SUPT16H: variants seen among roughly 807,000 people sequenced by gnomAD.
SUPT16H encodes FACT complex subunit SPT16.
SUPT16H carries 24 observed loss-of-function variants against 136.2 expected under a neutral mutation model. That is an observed-to-expected ratio of 0.18 (90% confidence interval 0.13 to 0.25). The LOEUF is 0.25. Among genes scored for constraint, SUPT16H ranks in the 10% least tolerant of loss-of-function variants. The pLI is 1.00. For missense variants in SUPT16H, 623 were observed against 1,270.2 expected (o/e 0.49, Z 7.74); for synonymous variants, 415 against 428.2 (o/e 0.97, Z 0.38).
At chr14:21,376,584 A>G (rs1230840594) in intron 1 of SUPT16H, among the ~76,000 whole-genome samples, 1 of 152,148 alleles carries the variant, frequency 6.6e-6, no homozygotes, top group Non-Finnish European at 1.5e-5. Context: ...TCAGGTTGGT[A>G]AAAAGTTTTA....
intron 1 of SUPT16H, among the ~76,000 whole-genome samples, chr14:21,376,325 A>C (rs960095462): frequency 6.6e-6 from 1 of 152,172 alleles, no homozygotes; most frequent in African/African-American, 2.4e-5. Flanking sequence ...GATACTCTTC[A>C]ATAGCTCTAT....
chr14:21,365,250 A>T (rs1886641240), intron 8 of SUPT16H, 107 bp from the exon 9 acceptor site: 1 of 1,090,708 alleles, frequency 9.2e-7, no homozygotes, highest in African/African-American at 1.6e-5. Flanking sequence ...AACATGTTTG[A>T]AATGATTTAC....
At chr14:21,367,310 G>A (rs544302256) in intron 7 of SUPT16H, among the ~76,000 whole-genome samples, 1 of 152,172 alleles carries the variant, frequency 6.6e-6, no homozygotes, top group African/African-American at 2.4e-5. Context: ...TTTAAGAGTT[G>A]ATAAATGGTA....
At chr14:21,382,134 A>T (rs1429210055) in intron 1 of SUPT16H, among the ~76,000 whole-genome samples, 1 of 152,214 alleles carries the variant, frequency 6.6e-6, no homozygotes, top group Non-Finnish European at 1.5e-5. Context: ...GAACTTCTAC[A>T]GGTGGGTTCT....
At chr14:21,370,007 C>T in intron 4 of SUPT16H, 111 bp from the exon 5 acceptor site, 1 of 1,236,626 alleles carries the variant, frequency 8.1e-7, no homozygotes, top group Non-Finnish European at 1.1e-6. Flanking sequence ...AGCAAACTAT[C>T]ACTGGTTTGC....
chr14:21,369,439 T>C (rs1886740230), intron 5 of SUPT16H, 84 bp from the exon 6 acceptor site: 1 of 1,528,992 alleles, frequency 6.5e-7, no homozygotes, highest in East Asian at 2.3e-5. Flanking sequence ...GAAGACAAAA[T>C]GTATCCTTGT....
Position 21,352,542 on chromosome 14 carries a change from C to A in SUPT16H, c.*131G>T. On this transcript the variant is annotated 3_prime_UTR_variant, in exon 26 of 26. Coordinates refer to ENST00000216297, the MANE Select transcript of SUPT16H (RefSeq NM_007192.4). ...CGAGTAGATTGGTCCACACAAATGG[C>A]CCCCTAAACCCATAAACACAAATGG... 1 of 1,432,308 alleles carries A rather than the reference C, an allele frequency of 7.0e-7. No individual in the cohort carries two copies. The allele number at this position is 1,432,308 out of a possible 1,614,324, so 88.7% of individuals were successfully genotyped here.
At chr14:21,381,744 G>GGA (rs1454836206) in intron 1 of SUPT16H, among the ~76,000 whole-genome samples, 1 of 151,304 alleles carries the variant, frequency 6.6e-6, no homozygotes, top group Non-Finnish European at 1.5e-5. Context: ...CAAGTAGCTA[G>GGA]GACTATAGGC....
rs1239138721 is a variant in SUPT16H at position 21,369,889 on chromosome 14, A to G, written c.491T>C (p.Ile164Thr). 6.2e-7 allele frequency: 1 copy of G among 1,613,778 alleles called. No individual in the cohort carries two copies. Among genetic ancestry groups the G allele is most frequent in the Non-Finnish European group, 8.5e-7 (1 of 1,179,914 alleles). The change falls in exon 5 of 26, where the codon ATC becomes ACC. Residue 164 changes from isoleucine to threonine, a missense_variant. Physicochemically the swap from Ile to Thr is moderately conservative, Grantham distance 89 (BLOSUM62 -1). Coordinates refer to ENST00000216297, the MANE Select transcript of SUPT16H (RefSeq NM_007192.4). The stretch of plus-strand genomic sequence containing the variant: ...GATGGTATATGCCACAACTGCACTG[A>G]TATCTATCTGCAGTCAAAGTGACAA... ...LNKEGFDKID[I>T]SAVVAYTIAV...
intron 1 of SUPT16H, among the ~76,000 whole-genome samples, chr14:21,374,574 T>C (rs1886860761): frequency 6.6e-6 from 1 of 152,202 alleles, no homozygotes; most frequent in Non-Finnish European, 1.5e-5. Flanking sequence ...TTCATATACA[T>C]GGAATCAAAT....
chr14:21,372,466 T>C, intron 2 of SUPT16H: 1 of 317,810 alleles, frequency 3.1e-6, no homozygotes, highest in South Asian at 2.7e-5. Flanking sequence ...ACTGATATTT[T>C]ACCTTCCTTT....
chr14:21,361,311 C>CTTTT (rs35486887), intron 15 of SUPT16H, 98 bp from the exon 16 acceptor site: 10,620 of 457,614 alleles, frequency 0.023, 89 homozygotes, highest in South Asian at 0.046. Context: ...CTCTACTTTG[C>CTTTT]TTTTTTTTTT....
intron 15 of SUPT16H, 60 bp from the exon 16 acceptor site, chr14:21,361,273 A>ATTTACT: frequency 2.1e-6 from 3 of 1,444,990 alleles, no homozygotes; most frequent in Non-Finnish European, 2.8e-6. Context: ...AATTGTACTG[A>ATTTACT]TTTACTTTAT....
chr14:21,360,036 C>T (rs1886517272), intron 18 of SUPT16H, among the ~76,000 whole-genome samples: 1 of 152,022 alleles, frequency 6.6e-6, no homozygotes, highest in Non-Finnish European at 1.5e-5. Flanking sequence ...TTTTTCATCA[C>T]TTTTTTGTTT....
intron 1 of SUPT16H, among the ~76,000 whole-genome samples, chr14:21,379,495 TA>T (rs1024896017): frequency 6.6e-6 from 1 of 151,362 alleles, no homozygotes; most frequent in Admixed American, 6.6e-5. Flanking sequence ...AAGCAATATT[TA>T]AAAAAAAATC....
chr14:21,363,378 A>G, intron 11 of SUPT16H, 50 bp from the exon 12 acceptor site: 3 of 1,605,114 alleles, frequency 1.9e-6, no homozygotes, highest in Non-Finnish European at 2.6e-6. Context: ...ATTTTAGCCA[A>G]TATTATTTAA....
intron 6 of SUPT16H, among the ~76,000 whole-genome samples, chr14:21,368,663 CAGTGAGTA>C (rs2139409604): frequency 6.6e-6 from 1 of 152,270 alleles, no homozygotes; most frequent in East Asian, 1.9e-4. Flanking sequence ...GATAAAAATT[CAGTGAGTA>C]AGTGAGTACT....
At chr14:21,377,904 G>A (rs565994633) in intron 1 of SUPT16H, among the ~76,000 whole-genome samples, 2 of 152,278 alleles carry the variant, frequency 1.3e-5, no homozygotes, top group Admixed American at 6.5e-5. Flanking sequence ...TATTACAGGC[G>A]TGAATGAACC....
At chr14:21,355,203 G>A (rs539865282) in intron 22 of SUPT16H, among the ~76,000 whole-genome samples, 4 of 152,046 alleles carry the variant, frequency 2.6e-5, no homozygotes, top group African/African-American at 9.6e-5. Flanking sequence ...AAGAAATAGG[G>A]ACAATTTTCA....
Sources: allele counts gnomAD v4.1 joint callset (sites outside exome capture counted in the v4.1 genomes callset), GRCh38; gene constraint gnomAD v4.1.1; transcripts MANE v1.5; gene names NCBI Gene and HGNC (gene_info 2026-07-23, HGNC 2026-07-21).